The following MAST1 variants were observed in gnomAD, a reference collection of about 807,000 sequenced individuals.
The protein encoded by MAST1 is microtubule-associated serine/threonine-protein kinase 1.
A neutral mutation model predicts 124.6 loss-of-function variants in MAST1; 40 were observed. The ratio of observed to expected loss-of-function variants is 0.32; its 90% CI spans 0.25 to 0.42. MAST1 has a LOEUF of 0.42. Ranked by LOEUF, MAST1 falls within the 10% of genes least tolerant of loss-of-function variation. The pLI is 1.00. For synonymous variants in MAST1, 938 were observed against 939.4 expected (o/e 1.00, Z 0.03); for missense variants, 1,558 against 2,181.9 (o/e 0.71, Z 5.70).
intron 1 of MAST1, among the ~76,000 whole-genome samples, chr19:12,839,107 A>G (rs1969795888): frequency 6.7e-6 from 1 of 149,950 alleles, no homozygotes; most frequent in African/African-American, 2.5e-5. Flanking sequence ...CCTCTTCGGG[A>G]GCTGGATGCT....
In MAST1 at chr19:12,841,147, C is replaced by T; in HGVS notation, c.248+81C>T. 5 of 741,832 alleles carry T rather than the reference C, an allele frequency of 6.7e-6. No homozygotes were observed. The highest frequency in any genetic ancestry group is 1.2e-5 in the Non-Finnish European group (5 of 412,496). 46.0% of individuals were successfully genotyped at this position (741,832 alleles called of 1,614,324 possible). A position where few individuals can be genotyped will look rare whatever the true frequency, so the allele number is the denominator to read the frequency against. On this transcript the variant is annotated intron_variant, in intron 3 of 25. Transcript: ENST00000251472. The surrounding 1 kb of genome is among the most constrained non-coding windows in gnomAD (Gnocchi z 4.3). ...GTCTGGGCCGCCATCTGTTCTCCTC[C>T]TAATTGCACCCGAGCTGGGGCCTGA...
At chr19:12,862,473 G>T (rs1298788289) in intron 12 of MAST1, among the ~76,000 whole-genome samples, 1 of 152,076 alleles carries the variant, frequency 6.6e-6, no homozygotes, top group Admixed American at 6.6e-5. Context: ...AGGGTTTTAA[G>T]AAGATTTGAT....
At chr19:12,859,066 T>C (rs62108433) in intron 12 of MAST1, 21 of 224,414 alleles carry the variant, frequency 9.4e-5, no homozygotes, top group African/African-American at 1.5e-4. Context: ...TTTATTTATT[T>C]ATTTATTCAT....
At position 12,847,796 on chromosome 19, in the gene MAST1, C is replaced by T. The variant is rs758044423; in HGVS notation, c.565-52C>T. 6.3e-7 allele frequency: 1 copy of T among 1,577,754 alleles called. No individual in the cohort carries two copies. Among genetic ancestry groups the T allele is most frequent in the South Asian group, 1.1e-5 (1 of 88,834 alleles). On this transcript the variant is annotated intron_variant, in intron 6 of 25. Transcript: ENST00000251472. This position sits in a 1 kb window ranked among gnomAD's most constrained non-coding sequence, Gnocchi z 5.5. ...CTCGGTGCGCAGCGCAGGCTCCTGG[C>T]GGCCGCAGCCTTCGGGCACAGCCCC...
intron 12 of MAST1, among the ~76,000 whole-genome samples, chr19:12,864,092 CTT>C (rs984164139): frequency 6.6e-6 from 1 of 151,992 alleles, no homozygotes; most frequent in Non-Finnish European, 1.5e-5. Context: ...GCCAGGCTAA[CTT>C]TAGTATTCTT....
intron 20 of MAST1, 148 bp from the exon 21 acceptor site, chr19:12,868,495 G>C: frequency 1.5e-6 from 1 of 647,576 alleles, no homozygotes; most frequent in Admixed American, 2.9e-5. Flanking sequence ...TCTATATGAG[G>C]AGCAGTGAGG....
intron 10 of MAST1, 45 bp from the exon 11 acceptor site, chr19:12,858,317 T>G: frequency 6.6e-7 from 1 of 1,512,274 alleles, no homozygotes; most frequent in Non-Finnish European, 9.1e-7. Context: ...AGCATCCTGC[T>G]CTCATGATGA....
chr19:12,872,357 G>A (rs1970246753), intron 24 of MAST1, among the ~76,000 whole-genome samples: 1 of 152,168 alleles, frequency 6.6e-6, no homozygotes, highest in African/African-American at 2.4e-5. Context: ...GTTGAGATAA[G>A]TACATTTCTT....
rs1237437718 is a variant in MAST1, at chr19:12,847,894, A to G, written c.611A>G (p.Tyr204Cys). ...AAGCTGCGCGACTTTACCCGCGCCT[A>G]CGAACCCGACAGCGTTCTGCCTCTG... is the stretch of plus-strand genomic sequence containing the variant. ...EEKLRDFTRA[Y>C]EPDSVLPLAD... is the part of the protein sequence containing the mutation. Residue 204 changes from tyrosine to cysteine, a missense_variant, in exon 7 of 26, where the codon TAC becomes TGC. By Grantham distance (194) the Tyr-to-Cys change is radical. Transcript: ENST00000251472. The surrounding 1 kb of genome is among the most constrained non-coding windows in gnomAD (Gnocchi z 5.5). 6.2e-7 allele frequency: 1 copy of G among 1,613,580 alleles called. No homozygotes were observed. Among genetic ancestry groups the G allele is most frequent in the African/African-American group, 1.3e-5 (1 of 74,940 alleles).
At chr19:12,842,033 T>G (rs1364824233) in intron 3 of MAST1, among the ~76,000 whole-genome samples, 1 of 152,154 alleles carries the variant, frequency 6.6e-6, no homozygotes, top group African/African-American at 2.4e-5. Flanking sequence ...CTTGTAACTG[T>G]GCAAAGTGTG....
At chr19:12,863,847 T>C (rs1344203616) in intron 12 of MAST1, among the ~76,000 whole-genome samples, 1 of 151,772 alleles carries the variant, frequency 6.6e-6, no homozygotes, top group Non-Finnish European at 1.5e-5. Context: ...TTTGGGAAGC[T>C]GAGGCAGGAG....
chr19:12,857,817 T>C (rs551280001), intron 10 of MAST1, among the ~76,000 whole-genome samples: 1 of 152,144 alleles, frequency 6.6e-6, no homozygotes, highest in Admixed American at 6.6e-5. Flanking sequence ...TGCTTCAGCC[T>C]AGGAGTTCAA....
In MAST1 at chr19:12,868,673, C is replaced by A; in HGVS notation, c.2597C>A (p.Pro866Gln). 6.2e-7 allele frequency: 1 copy of A among 1,606,998 alleles called. No homozygotes were observed. Among genetic ancestry groups the A allele is most frequent in the Admixed American group, 1.7e-5 (1 of 59,098 alleles). The change falls in exon 21 of 26, where the codon CCA (proline) becomes CAA (glutamine). Residue 866 changes from proline (P) to glutamine (Q), a missense_variant. By Grantham distance (76) the Pro-to-Gln change is moderately conservative. This residue lies in a region of MAST1 where 287 missense variants were observed against 308.0 expected (regional missense o/e 0.93). Transcript: ENST00000251472. ...CGTCCACGCCCAGGTGACCTCTGCC[C>A]ACCCTCGAAGGATGGGGATGCATCA... Reference protein sequence around the residue: ...TDRPRPGDLCPPSKDGDASGP... With the variant: ...TDRPRPGDLCQPSKDGDASGP...
At chr19:12,871,475 C>T (rs1970233525) in intron 24 of MAST1, among the ~76,000 whole-genome samples, 1 of 151,996 alleles carries the variant, frequency 6.6e-6, no homozygotes, top group Non-Finnish European at 1.5e-5. Flanking sequence ...GGCATGGTGG[C>T]GCTCGCCTGC....
At chr19:12,840,230 G>C (rs1386619007) in intron 1 of MAST1, among the ~76,000 whole-genome samples, 2 of 152,172 alleles carry the variant, frequency 1.3e-5, no homozygotes, top group African/African-American at 2.4e-5. Context: ...AATCCATACT[G>C]AGAGTTTCTC....
intron 1 of MAST1, among the ~76,000 whole-genome samples, chr19:12,839,722 A>G (rs1969803325): frequency 6.6e-6 from 1 of 152,162 alleles, no homozygotes; most frequent in Non-Finnish European, 1.5e-5. Flanking sequence ...AGAATGCCAC[A>G]CAAAGACATA....
At chr19:12,840,814 T>C (rs1248915671) in intron 2 of MAST1, among the ~76,000 whole-genome samples, 177 bp from the exon 3 acceptor site, 3 of 148,104 alleles carry the variant, frequency 2.0e-5, no homozygotes, top group African/African-American at 7.5e-5. Flanking sequence ...AGAATCGTCT[T>C]GGAAGGGGCC....
intron 12 of MAST1, among the ~76,000 whole-genome samples, chr19:12,859,485 C>G (rs1272989705): frequency 2.0e-5 from 3 of 152,056 alleles, no homozygotes; most frequent in Admixed American, 2.0e-4. Context: ...TGCCTGGGCT[C>G]AATCAATTCT....
At chr19:12,871,762 A>T (rs1215445051) in intron 24 of MAST1, among the ~76,000 whole-genome samples, 2 of 152,084 alleles carry the variant, frequency 1.3e-5, no homozygotes, top group South Asian at 2.1e-4. Context: ...CAAAAAACTT[A>T]AAAAACTAGT....
Sources: allele counts gnomAD v4.1 joint callset (sites outside exome capture counted in the v4.1 genomes callset), GRCh38; gene constraint gnomAD v4.1.1; regional missense constraint gnomAD v4.1.1; non-coding constraint Gnocchi (gnomAD v3.1); transcripts MANE v1.5; gene names NCBI Gene and HGNC (gene_info 2026-07-23, HGNC 2026-07-21).